Variants in PHF24 observed in about 807,000 individuals in gnomAD.
The protein encoded by PHF24 is PHD finger protein 24.
In PHF24, 25 loss-of-function variants were observed where a neutral mutation model predicts 42.6. That is an observed-to-expected ratio of 0.59 (90% CI 0.43 to 0.82). The LOEUF is 0.82. Ranked by LOEUF, PHF24 falls within the 40% of genes least tolerant of loss-of-function variation. PHF24 has a pLI of 0.00. For synonymous variants in PHF24, 185 were observed against 204.8 expected (o/e 0.90, Z 0.83); for missense variants, 470 against 538.1 (o/e 0.87, Z 1.25).
the PHF24 span, among the ~76,000 whole-genome samples, chr9:34,682,670 G>C: frequency 6.6e-6 from 1 of 152,118 alleles, no homozygotes; most frequent in Admixed American, 6.5e-5. Context: ...GGTAGACTTT[G>C]CTTTCCATCA....
the PHF24 span, among the ~76,000 whole-genome samples, chr9:34,696,465 C>T: frequency 2.2e-4 from 30 of 135,592 alleles, no homozygotes; most frequent in Non-Finnish European, 1.8e-4. Context: ...TCCAGGCTGG[C>T]GACAGAGCAA....
the PHF24 span, among the ~76,000 whole-genome samples, chr9:34,857,592 C>G: frequency 3.3e-5 from 5 of 152,210 alleles, no homozygotes; most frequent in African/African-American, 1.2e-4. Flanking sequence ...TGTCACCCCA[C>G]TGTTTTTCCT....
the PHF24 span, chr9:34,681,376 G>A: frequency 7.0e-6 from 1 of 143,796 alleles, no homozygotes; most frequent in Non-Finnish European, 1.5e-5. Flanking sequence ...AAAACTGGAG[G>A]GGGAAAACAT....
At chr9:34,929,271 C>A in the PHF24 span, among the ~76,000 whole-genome samples, 1 of 152,106 alleles carries the variant, frequency 6.6e-6, no homozygotes, top group African/African-American at 2.4e-5. Flanking sequence ...AGGTGGGGAC[C>A]ATTTTGATGG....
At chr9:34,889,294 G>C in the PHF24 span, 1 of 398,730 alleles carries the variant, frequency 2.5e-6, no homozygotes, top group Non-Finnish European at 4.4e-6. Context: ...ACAGAGTTTG[G>C]AGCATTTGTA....
At chr9:34,781,532 T>C in the PHF24 span, among the ~76,000 whole-genome samples, 2 of 152,148 alleles carry the variant, frequency 1.3e-5, no homozygotes, top group African/African-American at 2.4e-5. Context: ...AATGTGACGG[T>C]TGTACAACAT....
the PHF24 span, among the ~76,000 whole-genome samples, chr9:34,719,116 C>T: frequency 3.3e-5 from 5 of 152,202 alleles, no homozygotes. Flanking sequence ...TGGGTCACTG[C>T]AACTTCTGCC....
At chr9:34,931,193 G>A in the PHF24 span, among the ~76,000 whole-genome samples, 4 of 151,960 alleles carry the variant, frequency 2.6e-5, no homozygotes, top group Non-Finnish European at 5.9e-5. Flanking sequence ...TGGCTAACAT[G>A]GTGAAACCCT....
At chr9:34,942,188 A>G in the PHF24 span, among the ~76,000 whole-genome samples, 1 of 152,170 alleles carries the variant, frequency 6.6e-6, no homozygotes, top group Non-Finnish European at 1.5e-5. Flanking sequence ...ACCACAGCCT[A>G]AACCTACTGC....
the PHF24 span, among the ~76,000 whole-genome samples, chr9:34,697,706 G>A: frequency 1.4e-4 from 22 of 152,316 alleles, no homozygotes; most frequent in Non-Finnish European, 2.9e-5. Flanking sequence ...GAGGTTCAAA[G>A]GTTAGAAATA....
the PHF24 span, chr9:34,723,583 C>A: frequency 1.3e-6 from 2 of 1,551,756 alleles, no homozygotes; most frequent in Non-Finnish European, 1.7e-6. Flanking sequence ...TAATATGCTG[C>A]AGAAAACATT....
chr9:34,918,515 A>G, the PHF24 span, among the ~76,000 whole-genome samples: 105 of 152,290 alleles, frequency 6.9e-4, no homozygotes, highest in Admixed American at 6.1e-3. Context: ...TTTAAAGTGC[A>G]CCTTCCAAAA....
At chr9:34,753,029 C>A in the PHF24 span, among the ~76,000 whole-genome samples, 1 of 151,976 alleles carries the variant, frequency 6.6e-6, no homozygotes, top group Non-Finnish European at 1.5e-5. Flanking sequence ...AAGGAACATG[C>A]CTCAACATAA....
the PHF24 span, among the ~76,000 whole-genome samples, chr9:34,787,738 A>G: frequency 6.6e-6 from 1 of 152,112 alleles, no homozygotes; most frequent in African/African-American, 2.4e-5. Flanking sequence ...AGGGGTTGAG[A>G]AGCATTTGCC....
the PHF24 span, chr9:34,723,207 TTCTA>T: frequency 6.5e-7 from 1 of 1,544,754 alleles, no homozygotes; most frequent in East Asian, 2.4e-5. Flanking sequence ...GGACCAATGT[TTCTA>T]TCTGAGGTGA....
the PHF24 span, among the ~76,000 whole-genome samples, chr9:34,888,188 A>G: frequency 6.6e-6 from 1 of 152,128 alleles, no homozygotes; most frequent in East Asian, 1.9e-4. Flanking sequence ...CTTCTAGGAA[A>G]CTTTCCGTGA....
At chr9:34,843,172 A>G in the PHF24 span, among the ~76,000 whole-genome samples, 1 of 152,234 alleles carries the variant, frequency 6.6e-6, no homozygotes. Flanking sequence ...TTCCAAAAGA[A>G]TGAGACTAAT....
chr9:34,692,054 C>T, the PHF24 span, among the ~76,000 whole-genome samples: 2 of 152,046 alleles, frequency 1.3e-5, no homozygotes, highest in Non-Finnish European at 2.9e-5. Flanking sequence ...TTCAAGGAAT[C>T]GGCCGATGGG....
At chr9:34,701,622 G>T in the PHF24 span, among the ~76,000 whole-genome samples, 1 of 152,088 alleles carries the variant, frequency 6.6e-6, no homozygotes, top group African/African-American at 2.4e-5. The surrounding 1 kb of genome is among the most constrained non-coding windows in gnomAD (Gnocchi z 5.8). Context: ...CCCTGGCCCC[G>T]CCGTCCCTGG....
Sources: gnomAD v4.1 joint callset for allele counts (sites outside exome capture counted in the v4.1 genomes callset) on GRCh38, gnomAD v4.1.1 for gene constraint, Gnocchi (gnomAD v3.1) non-coding constraint, MANE v1.5 for transcripts, NCBI Gene and HGNC (gene_info 2026-07-23, HGNC 2026-07-21) for gene names.